Variants in DYNC1I2 observed in about 807,000 individuals in gnomAD.
The protein encoded by DYNC1I2 is dynein cytoplasmic 1 intermediate chain 2, also known as cytoplasmic dynein 1 intermediate chain 2.
DYNC1I2 carries 53 observed loss-of-function variants against 88.6 expected under a neutral mutation model. The ratio of observed to expected loss-of-function variants is 0.60; its 90% CI spans 0.48 to 0.75. The LOEUF (loss-of-function observed/expected upper bound fraction) is 0.75. Among genes scored for constraint, DYNC1I2 ranks in the 30% least tolerant of loss-of-function variants. DYNC1I2 has a pLI of 0.00. For synonymous variants in DYNC1I2, 198 were observed against 254.6 expected, an observed-to-expected ratio of 0.78 and a Z score of 2.12; for missense variants, 458 against 766.6, an observed-to-expected ratio of 0.60 and a Z score of 4.75.
intron 7 of DYNC1I2, among the ~76,000 whole-genome samples, chr2:171,723,204 G>A (rs1047124737): frequency 1.3e-4 from 20 of 152,266 alleles, no homozygotes; most frequent in South Asian, 8.3e-4. Context: ...CTTAGAGGCC[G>A]TATAATACAA....
chr2:171,718,223 G>T (rs1687652930), intron 7 of DYNC1I2, among the ~76,000 whole-genome samples: 1 of 152,098 alleles, frequency 6.6e-6, no homozygotes, highest in South Asian at 2.1e-4. Context: ...CTCCCATAGT[G>T]CTGGGATTAC....
chr2:171,719,897 T>C (rs1331653856), intron 7 of DYNC1I2, among the ~76,000 whole-genome samples: 3 of 152,228 alleles, frequency 2.0e-5, no homozygotes, highest in Admixed American at 6.5e-5. Flanking sequence ...TCTCAGCAGG[T>C]GAAAAGCTTC....
intron 1 of DYNC1I2, among the ~76,000 whole-genome samples, chr2:171,689,882 C>CTTT (rs10716223): frequency 0.015 from 792 of 53,926 alleles, no homozygotes; most frequent in Middle Eastern, 0.045. Context: ...TTTTTCTTGC[C>CTTT]TTTTTTTTTT....
intron 16 of DYNC1I2, among the ~76,000 whole-genome samples, chr2:171,744,426 A>G (rs529101608): frequency 2.0e-4 from 30 of 152,346 alleles, no homozygotes; most frequent in African/African-American, 7.0e-4. Context: ...TCTGAAAAGC[A>G]CTATCATGTC....
At chr2:171,728,154 TGCG>T (rs886702298) in intron 12 of DYNC1I2, 148 bp from the exon 13 acceptor site, 4 of 747,576 alleles carry the variant, frequency 5.4e-6, no homozygotes. Flanking sequence ...ATCTCTCTTC[TGCG>T]ACAACATTTT....
intron 7 of DYNC1I2, among the ~76,000 whole-genome samples, chr2:171,723,296 T>C (rs1010663919): frequency 6.6e-6 from 1 of 152,136 alleles, no homozygotes; most frequent in Admixed American, 6.5e-5. Flanking sequence ...CTGTCCTGGG[T>C]GATTCAAAAT....
Position 171,726,174 on chromosome 2 carries a change from G to A in DYNC1I2, c.771-20G>A. 1 of 1,596,348 alleles carries A rather than the reference G, an allele frequency of 6.3e-7. No individual in the cohort carries two copies. Among genetic ancestry groups the A allele is most frequent in the East Asian group, 2.2e-5 (1 of 44,616 alleles). On this transcript the variant is annotated intron_variant, in intron 9 of 17. Transcript: ENST00000397119. ...AAGTTATAACACCATCTTTTTGGGG[G>A]GTTTGGTCTTTTTTTGTAGAGAGAT...
At chr2:171,730,387 T>C (rs1010851688) in intron 15 of DYNC1I2, among the ~76,000 whole-genome samples, 1 of 152,222 alleles carries the variant, frequency 6.6e-6, no homozygotes, top group Non-Finnish European at 1.5e-5. Flanking sequence ...TTTTTTGTTA[T>C]TCTATGATAA....
At position 171,744,176 on chromosome 2, in the gene DYNC1I2, A is replaced by G. The variant is rs762834463; in HGVS notation, c.1664A>G (p.Asn555Ser). 3.7e-5 allele frequency: 59 copies of G among 1,608,326 alleles called. No homozygotes were observed. The highest frequency in any genetic ancestry group is 5.0e-5 in the Non-Finnish European group (59 of 1,178,116). Residue 555 changes from asparagine to serine, a missense_variant, in exon 16 of 18, where the codon AAT (asparagine) becomes AGT (serine). Physicochemically the swap from Asn to Ser is conservative, Grantham distance 46. Coordinates refer to ENST00000397119, the MANE Select transcript of DYNC1I2 (RefSeq NM_001378.3). ...GGGAGATTGGATTTGTGGAATCTCAATAATGACACAGAGGTGAGCAGGAAA... is the reference window on the plus strand; with the variant it reads ...GGGAGATTGGATTTGTGGAATCTCAGTAATGACACAGAGGTGAGCAGGAAA... ...GMGRLDLWNL[N>S]NDTEVPTASI...
chr2:171,730,846 C>T (rs1688556023), intron 15 of DYNC1I2, among the ~76,000 whole-genome samples: 1 of 152,102 alleles, frequency 6.6e-6, no homozygotes, highest in Admixed American at 6.6e-5. Flanking sequence ...TTTTAGTGAA[C>T]TCCTAGTTAT....
At chr2:171,739,621 A>T (rs1689257651) in intron 15 of DYNC1I2, among the ~76,000 whole-genome samples, 1 of 151,520 alleles carries the variant, frequency 6.6e-6, no homozygotes, top group Admixed American at 6.6e-5. Flanking sequence ...ATCAGTGTTC[A>T]ATTTTTTTTT....
intron 17 of DYNC1I2, among the ~76,000 whole-genome samples, chr2:171,746,626 A>G (rs577793378): frequency 6.6e-6 from 1 of 152,278 alleles, no homozygotes; most frequent in East Asian, 1.9e-4. Context: ...CAATTAAACT[A>G]TCTGCACAAA....
intron 15 of DYNC1I2, among the ~76,000 whole-genome samples, chr2:171,743,123 A>G (rs183099030): frequency 1.3e-5 from 2 of 152,208 alleles, no homozygotes; most frequent in East Asian, 1.9e-4. Flanking sequence ...TGATTAACAC[A>G]TATTTTTTAT....
intron 4 of DYNC1I2, 150 bp from the exon 5 acceptor site, chr2:171,707,137 G>A (rs1420422858): frequency 8.8e-7 from 1 of 1,136,684 alleles, no homozygotes; most frequent in East Asian, 2.6e-5. Context: ...TCTTTCTGCT[G>A]TTCATTTTCA....
At chr2:171,709,114 A>T (rs1223869184) in intron 5 of DYNC1I2, among the ~76,000 whole-genome samples, 2 of 152,168 alleles carry the variant, frequency 1.3e-5, no homozygotes, top group African/African-American at 4.8e-5. Context: ...ATATTTATTA[A>T]ATGTCTTTAT....
chr2:171,710,833 G>A (rs935500749), intron 5 of DYNC1I2, among the ~76,000 whole-genome samples: 3 of 151,174 alleles, frequency 2.0e-5, no homozygotes, highest in African/African-American at 7.3e-5. Flanking sequence ...CTCCCCAGTA[G>A]CTGGGATTGC....
chr2:171,698,144 A>G (rs963155846), intron 3 of DYNC1I2, among the ~76,000 whole-genome samples: 19 of 152,192 alleles, frequency 1.2e-4, no homozygotes, highest in African/African-American at 3.6e-4. Flanking sequence ...GATGGTGTTA[A>G]TACTCATCGA....
Position 171,725,598 on chromosome 2 carries a change from G to GTTTTTTTTTTTTTTTTTTT in DYNC1I2, c.512-4_512-3insTTTTTTTTTTTTTTTTTTT. On this transcript the variant is annotated intron_variant, in intron 7 of 17. Transcript: ENST00000397119. ...ATTCTGTTTTTTTGTTTTTTTGTTT[G>GTTTTTTTTTTTTTTTTTTT]TTTTTTTTTTTTTTTTCAGATGAAG... is the stretch of plus-strand genomic sequence containing the variant. 5.6e-6 allele frequency: 5 copies of GTTTTTTTTTTTTTTTTTTT among 894,262 alleles called. No individual in the cohort carries two copies. The highest frequency in any genetic ancestry group is 2.3e-5 in the South Asian group (1 of 42,984). 55.4% of individuals were successfully genotyped at this position (894,262 alleles called of 1,614,324 possible).
chr2:171,741,548 G>T (rs976823070), intron 15 of DYNC1I2, among the ~76,000 whole-genome samples: 1 of 152,062 alleles, frequency 6.6e-6, no homozygotes, highest in Non-Finnish European at 1.5e-5. Flanking sequence ...TGTACTTATA[G>T]GCTATTGTAA....
Sources: allele counts gnomAD v4.1 joint callset (sites outside exome capture counted in the v4.1 genomes callset), GRCh38; gene constraint gnomAD v4.1.1; transcripts MANE v1.5; gene names NCBI Gene and HGNC (gene_info 2026-07-23, HGNC 2026-07-21).